Variants in TDRD12 observed in about 807,000 individuals in gnomAD.
The protein encoded by TDRD12 is putative ATP-dependent RNA helicase TDRD12.
In TDRD12, 158 loss-of-function variants were observed where a neutral mutation model predicts 133.5. The ratio of observed to expected loss-of-function variants is 1.18; its 90% CI spans 1.04 to 1.35. The LOEUF (loss-of-function observed/expected upper bound fraction) is 1.35, where lower values mean the gene tolerates loss of function less well. Among genes scored for constraint, TDRD12 ranks in the 40% most tolerant of loss-of-function variants. The probability of loss-of-function intolerance (pLI) is 0.00; values close to 1 mark genes in which losing one functional copy is unlikely to be tolerated. For missense variants in TDRD12, 1,443 were observed against 1,321.3 expected (o/e 1.09, Z -1.43); for synonymous variants, 460 against 477.9 (o/e 0.96, Z 0.49).
intron 1 of TDRD12, among the ~76,000 whole-genome samples, chr19:32,724,091 G>C (rs1393620807): frequency 6.6e-6 from 1 of 152,098 alleles, no homozygotes; most frequent in African/African-American, 2.4e-5. Context: ...AAACTCCTGG[G>C]CTCAAGCAAT....
In TDRD12 at chr19:32,725,504, T is replaced by G. The variant is rs1968830273; in HGVS notation, c.24+5408T>G. Among the ~76,000 whole-genome samples, 4 of 152,162 alleles carry G rather than the reference T, an allele frequency of 2.6e-5. No individual in the cohort carries two copies. In the South Asian group the frequency reaches 8.3e-4, roughly 32 times the overall value. ...CCCCATTGCCTGTTTTTGTCAGGTTTGTCAAAAATCAGATGGTTGTAGATG... is the reference window on the plus strand; with the variant it reads ...CCCCATTGCCTGTTTTTGTCAGGTTGGTCAAAAATCAGATGGTTGTAGATG... On this transcript the variant is annotated intron_variant, in intron 1 of 27. Transcript: ENST00000444215.
intron 10 of TDRD12, among the ~76,000 whole-genome samples, chr19:32,774,249 A>G (rs1970518813): frequency 6.6e-6 from 1 of 152,234 alleles, no homozygotes; most frequent in Admixed American, 6.5e-5. Context: ...CATAAATGCT[A>G]GACTCTATCT....
intron 4 of TDRD12, among the ~76,000 whole-genome samples, chr19:32,745,651 TGTG>T (rs916747830): frequency 7.1e-6 from 1 of 141,018 alleles, no homozygotes; most frequent in Non-Finnish European, 1.5e-5. Flanking sequence ...GAATGGCTGA[TGTG>T]GTTATTCTGT....
intron 27 of TDRD12, among the ~76,000 whole-genome samples, chr19:32,820,670 G>C (rs1189258550): frequency 1.3e-5 from 2 of 152,206 alleles, no homozygotes; most frequent in Non-Finnish European, 2.9e-5. Context: ...ACTGGTAACA[G>C]GGGTGGTCTT....
intron 11 of TDRD12, among the ~76,000 whole-genome samples, chr19:32,789,802 A>G (rs1158756750): frequency 1.3e-5 from 2 of 152,136 alleles, no homozygotes; most frequent in Admixed American, 1.3e-4. Context: ...GGAGTTCGAG[A>G]CCAGCCTGGA....
chr19:32,748,604 G>A (rs1969728150), intron 5 of TDRD12, 73 bp downstream of exon 5: 3 of 1,463,586 alleles, frequency 2.0e-6, no homozygotes, highest in African/African-American at 1.4e-5. Flanking sequence ...TGCTGCTGGC[G>A]GGGGTTGGAG....
intron 8 of TDRD12, among the ~76,000 whole-genome samples, chr19:32,765,665 A>G (rs951521399): frequency 1.3e-5 from 2 of 148,456 alleles, no homozygotes; most frequent in African/African-American, 5.0e-5. Context: ...ACATGTTCTC[A>G]CTCATAGGTG....
intron 8 of TDRD12, among the ~76,000 whole-genome samples, chr19:32,759,460 G>C (rs1286200879): frequency 6.6e-6 from 1 of 150,884 alleles, no homozygotes. Flanking sequence ...GCCCAGGCTT[G>C]ATTGCAGTAG....
chr19:32,781,943 T>A (rs940355039), intron 11 of TDRD12, among the ~76,000 whole-genome samples: 3 of 147,798 alleles, frequency 2.0e-5, no homozygotes, highest in Non-Finnish European at 4.4e-5. Flanking sequence ...CCTGAATTGG[T>A]TGAGTAATTT....
At chr19:32,721,097 C>T (rs1968645285) in intron 1 of TDRD12, among the ~76,000 whole-genome samples, 1 of 152,064 alleles carries the variant, frequency 6.6e-6, no homozygotes, top group Non-Finnish European at 1.5e-5. Flanking sequence ...CCTCATGCCC[C>T]CAGTCTCTGT....
chr19:32,742,274 A>G (rs1233006106), intron 3 of TDRD12, among the ~76,000 whole-genome samples: 1 of 151,880 alleles, frequency 6.6e-6, no homozygotes, highest in Non-Finnish European at 1.5e-5. Flanking sequence ...CTCCTGCCTC[A>G]GCCTCCTGAG....
intron 4 of TDRD12, among the ~76,000 whole-genome samples, chr19:32,746,223 A>ACG (rs1969618880): frequency 1.4e-5 from 2 of 147,736 alleles, no homozygotes; most frequent in Non-Finnish European, 3.0e-5. Context: ...TGTGAGAGAG[A>ACG]GAGAGAGTCT....
chr19:32,768,962 C>CA (rs1970370905), intron 8 of TDRD12, among the ~76,000 whole-genome samples: 1 of 152,094 alleles, frequency 6.6e-6, no homozygotes, highest in Non-Finnish European at 1.5e-5. Context: ...AGGCTGGTCT[C>CA]AAACTCCTGG....
At chr19:32,814,954 G>A (rs1183828271) in intron 25 of TDRD12, among the ~76,000 whole-genome samples, 5 of 152,204 alleles carry the variant, frequency 3.3e-5, no homozygotes, top group African/African-American at 1.2e-4. Flanking sequence ...AGATTTTTAT[G>A]TTTTACTTAA....
chr19:32,761,776 G>C (rs1426563685), intron 8 of TDRD12, among the ~76,000 whole-genome samples: 1 of 151,880 alleles, frequency 6.6e-6, no homozygotes, highest in East Asian at 1.9e-4. Context: ...GGCAACCTCT[G>C]CCTCCCAGGT....
intron 16 of TDRD12, among the ~76,000 whole-genome samples, chr19:32,799,566 G>T (rs1971325646): frequency 6.6e-6 from 1 of 152,106 alleles, no homozygotes; most frequent in Admixed American, 6.5e-5. Context: ...ATCATCTTCT[G>T]CTAATCAGTT....
At chr19:32,733,538 A>G (rs1969125612) in intron 2 of TDRD12, among the ~76,000 whole-genome samples, 3 of 152,038 alleles carry the variant, frequency 2.0e-5, no homozygotes. Context: ...GGGTAGATTT[A>G]AGGTTGCTTC....
chr19:32,747,190 T>C (rs1377820605), intron 4 of TDRD12, among the ~76,000 whole-genome samples: 1 of 152,206 alleles, frequency 6.6e-6, no homozygotes, highest in Admixed American at 6.5e-5. Flanking sequence ...TACTTGTTCA[T>C]ATGTTAGATT....
At chr19:32,721,542 C>T (rs1968665598) in intron 1 of TDRD12, among the ~76,000 whole-genome samples, 1 of 151,556 alleles carries the variant, frequency 6.6e-6, no homozygotes, top group Non-Finnish European at 1.5e-5. Flanking sequence ...CCTGCCACCA[C>T]ACCTGGCTAA....
Sources: allele counts gnomAD v4.1 joint callset (sites outside exome capture counted in the v4.1 genomes callset), GRCh38; gene constraint gnomAD v4.1.1; transcripts MANE v1.5; gene names NCBI Gene and HGNC (gene_info 2026-07-23, HGNC 2026-07-21).